NRXN1: variants seen among roughly 807,000 people sequenced by gnomAD.
The protein encoded by NRXN1 is neurexin-1.
A neutral mutation model predicts 150.9 loss-of-function variants in NRXN1; 39 were observed. The ratio of observed to expected loss-of-function variants is 0.26; its 90% CI spans 0.20 to 0.34. The LOEUF (loss-of-function observed/expected upper bound fraction) is 0.34, where lower values mean the gene tolerates loss of function less well. NRXN1 is among the 10% of genes least tolerant of loss of function. The pLI, the probability that NRXN1 is intolerant of heterozygous loss-of-function variation, is 1.00. For missense variants in NRXN1, 1,815 were observed against 1,949.9 expected (o/e 0.93, Z 1.30); for synonymous variants, 924 against 757.0 (o/e 1.22, Z -3.62).
chr2:50,328,051 G>T (rs977441738), intron 17 of NRXN1, among the ~76,000 whole-genome samples: 15 of 152,022 alleles, frequency 9.9e-5, no homozygotes, highest in Admixed American at 7.9e-4. Context: ...TTGAAATGAA[G>T]CAGTTAAGAT....
At chr2:50,097,635 CCAAA>C (rs1308904523) in intron 18 of NRXN1, among the ~76,000 whole-genome samples, 1 of 151,888 alleles carries the variant, frequency 6.6e-6, no homozygotes, top group African/African-American at 2.4e-5. Context: ...CTAATTTAGC[CCAAA>C]CACTTTTTTT....
intron 17 of NRXN1, among the ~76,000 whole-genome samples, chr2:50,430,010 C>T (rs1288141071): frequency 6.6e-6 from 1 of 152,160 alleles, no homozygotes; most frequent in Non-Finnish European, 1.5e-5. Flanking sequence ...ACAGAATACA[C>T]TCTGTCACAC....
intron 18 of NRXN1, among the ~76,000 whole-genome samples, chr2:50,115,232 T>TATATAC (rs1431823159): frequency 6.9e-6 from 1 of 145,816 alleles, no homozygotes; most frequent in Non-Finnish European, 1.5e-5. Flanking sequence ...TATATATATA[T>TATATAC]ATATATATAC....
chr2:50,733,241 A>C lies in NRXN1; in HGVS notation c.833-109626T>G, dbSNP rs117031907. On this transcript the variant is annotated intron_variant, in intron 5 of 22. Transcript: ENST00000401669. Reference sequence around the variant, plus strand: ...TAAGGCTGCCAGGCAATGGATCAGTACACTTATAGAAAAATTAAATTTAAT... The same window carrying C: ...TAAGGCTGCCAGGCAATGGATCAGTCCACTTATAGAAAAATTAAATTTAAT... Among the ~76,000 whole-genome samples, 23 of 152,304 alleles carry C rather than the reference A, an allele frequency of 1.5e-4. No homozygotes were observed. The East Asian group carries it at 4.2e-3, about 28-fold the overall frequency.
intron 5 of NRXN1, among the ~76,000 whole-genome samples, chr2:50,856,848 C>T (rs1675344238): frequency 6.6e-6 from 1 of 152,028 alleles, no homozygotes; most frequent in Admixed American, 6.6e-5. Context: ...ATGTAGGAAT[C>T]CCTATGGACA....
At chr2:50,353,378 G>A (rs555535238) in intron 17 of NRXN1, among the ~76,000 whole-genome samples, 15 of 152,162 alleles carry the variant, frequency 9.9e-5, no homozygotes, top group South Asian at 6.2e-4. Flanking sequence ...TGTTTCAACC[G>A]ATTTCTGTTG....
intron 10 of NRXN1, among the ~76,000 whole-genome samples, chr2:50,533,593 T>C (rs4380280): frequency 0.046 from 7,041 of 152,234 alleles, 186 homozygotes; most frequent in Middle Eastern, 0.12. Context: ...CCCTCAGACT[T>C]TGCTCTCATC....
intron 20 of NRXN1, among the ~76,000 whole-genome samples, chr2:50,054,701 G>A (rs776438426): frequency 5.3e-5 from 8 of 151,876 alleles, no homozygotes; most frequent in Non-Finnish European, 1.0e-4. Context: ...TTGAGTTAGT[G>A]GATTATATTT....
At chr2:50,945,087 T>C (rs1012081094) in intron 2 of NRXN1, among the ~76,000 whole-genome samples, 2 of 152,184 alleles carry the variant, frequency 1.3e-5, no homozygotes, top group African/African-American at 2.4e-5. Context: ...AAGGGCCAGA[T>C]AGTAAATATT....
chr2:50,552,898 G>A lies in NRXN1; in HGVS notation c.1448C>T (p.Thr483Ile). The change falls in exon 9 of 23, where the codon ACC (threonine) becomes ATC (isoleucine). Residue 483 changes from threonine (T) to isoleucine (I), a missense_variant. Thr to Ile is a moderately conservative substitution (Grantham distance 89). Transcript: ENST00000401669. ...CENVATLDPI[T>I]FETPESFISL... ...GATGAAAGACTCTGGGGTTTCAAAG[G>A]TGATTGGGTCTAAAGTTGCAACATT... The A allele has an allele frequency of 1.9e-6, 3 of 1,613,948 alleles. No homozygotes were observed. The highest frequency in any genetic ancestry group is 2.5e-6 in the Non-Finnish European group (3 of 1,179,840).
intron 17 of NRXN1, among the ~76,000 whole-genome samples, chr2:50,415,357 T>C (rs1272567044): frequency 6.6e-6 from 1 of 152,148 alleles, no homozygotes; most frequent in African/African-American, 2.4e-5. Flanking sequence ...GGTGTATTTT[T>C]TTATGGCTCA....
At chr2:50,330,324 T>G (rs1303896816) in intron 17 of NRXN1, among the ~76,000 whole-genome samples, 1 of 152,208 alleles carries the variant, frequency 6.6e-6, no homozygotes, top group East Asian at 1.9e-4. Context: ...ATAATTATAA[T>G]CACTAATAAC....
intron 21 of NRXN1, among the ~76,000 whole-genome samples, chr2:49,949,801 A>C (rs936611044): frequency 2.6e-5 from 4 of 152,038 alleles, no homozygotes; most frequent in African/African-American, 9.6e-5. Flanking sequence ...ATTGATAGCA[A>C]CAGTTAGTGG....
intron 8 of NRXN1, among the ~76,000 whole-genome samples, chr2:50,564,107 C>A (rs1466701024): frequency 1.3e-5 from 2 of 152,212 alleles, no homozygotes; most frequent in Non-Finnish European, 2.9e-5. Flanking sequence ...CTCAGGTTTA[C>A]ATTCCTGCAT....
intron 5 of NRXN1, among the ~76,000 whole-genome samples, chr2:50,638,582 C>T (rs1467969074): frequency 1.3e-5 from 2 of 152,156 alleles, no homozygotes; most frequent in African/African-American, 4.8e-5. Flanking sequence ...CTTCCATTCA[C>T]TTCTCAGAGT....
At chr2:50,372,748 A>G (rs935504560) in intron 17 of NRXN1, among the ~76,000 whole-genome samples, 1 of 152,110 alleles carries the variant, frequency 6.6e-6, no homozygotes, top group Non-Finnish European at 1.5e-5. Context: ...CAATTATGCA[A>G]ATAATTTAAA....
At chr2:50,163,164 G>GTA (rs59163565) in intron 18 of NRXN1, among the ~76,000 whole-genome samples, 18,839 of 141,520 alleles carry the variant, frequency 0.13, 1,465 homozygotes, top group African/African-American at 0.22. Context: ...AATCCAAAAT[G>GTA]TATATATATA....
chr2:50,992,468 A>T (rs972589836), intron 2 of NRXN1, among the ~76,000 whole-genome samples: 2 of 151,964 alleles, frequency 1.3e-5, no homozygotes, highest in Admixed American at 1.3e-4. Context: ...AGAAATTATC[A>T]GCTGGTAGAT....
At chr2:50,386,174 T>C (rs1017171471) in intron 17 of NRXN1, among the ~76,000 whole-genome samples, 7 of 152,096 alleles carry the variant, frequency 4.6e-5, no homozygotes, top group African/African-American at 1.7e-4. Context: ...ATGCATTTTG[T>C]TAAATATTAA....
Sources: allele counts gnomAD v4.1 joint callset (sites outside exome capture counted in the v4.1 genomes callset), GRCh38; gene constraint gnomAD v4.1.1; transcripts MANE v1.5; gene names NCBI Gene and HGNC (gene_info 2026-07-23, HGNC 2026-07-21).